Variants in PPARGC1A observed in about 807,000 individuals in gnomAD.
The protein encoded by PPARGC1A is peroxisome proliferator-activated receptor gamma coactivator 1-alpha.
In PPARGC1A, 25 loss-of-function variants were observed where a neutral mutation model predicts 88.7. The ratio of observed to expected loss-of-function variants is 0.28; its 90% CI spans 0.21 to 0.39. The LOEUF (loss-of-function observed/expected upper bound fraction) is 0.39. PPARGC1A is among the 10% of genes least tolerant of loss of function. PPARGC1A has a pLI of 1.00. For missense variants in PPARGC1A, 880 were observed against 968.7 expected (o/e 0.91, Z 1.22); for synonymous variants, 363 against 355.6 (o/e 1.02, Z -0.24).
chr4:23,803,819 G>A (rs1043834158), intron 10 of PPARGC1A, among the ~76,000 whole-genome samples: 2 of 152,194 alleles, frequency 1.3e-5, no homozygotes, highest in African/African-American at 2.4e-5. Context: ...TTCTTTGGAT[G>A]TACTGAGAGT....
At chr4:24,333,472 G>A in the PPARGC1A span, among the ~76,000 whole-genome samples, 13 of 152,060 alleles carry the variant, frequency 8.5e-5, no homozygotes, top group African/African-American at 1.9e-4. Context: ...TTCTTCACTC[G>A]TTTTTATTCT....
chr4:24,339,225 T>C, the PPARGC1A span, among the ~76,000 whole-genome samples: 15,795 of 79,674 alleles, frequency 0.2, 1,113 homozygotes, highest in Middle Eastern at 0.33. Flanking sequence ...TATATATATA[T>C]ATATATATAT....
chr4:24,245,234 C>T, the PPARGC1A span, among the ~76,000 whole-genome samples: 1 of 152,222 alleles, frequency 6.6e-6, no homozygotes, highest in Non-Finnish European at 1.5e-5. Flanking sequence ...TGATCAAATA[C>T]TGTGTACCCC....
Position 23,801,241 on chromosome 4 carries a change from C to T in PPARGC1A, c.2293+489G>A, listed in dbSNP as rs184122901. On this transcript the variant is annotated intron_variant, in intron 12 of 12. Transcript: ENST00000264867. ...AATCATAAACACATGTAGACACATA[C>T]AATACCTGCATACATACACACACAA... 2.0e-5 allele frequency among the ~76,000 whole-genome samples: 3 copies of T among 151,774 alleles called. No individual in the cohort carries two copies. The South Asian group carries it at 6.2e-4, about 32-fold the overall frequency.
At chr4:24,305,091 G>A in the PPARGC1A span, among the ~76,000 whole-genome samples, 1 of 149,792 alleles carries the variant, frequency 6.7e-6, no homozygotes, top group African/African-American at 2.5e-5. Context: ...AATGGTGGTT[G>A]TTTGGGGCAC....
At chr4:23,977,248 C>T in the PPARGC1A span, among the ~76,000 whole-genome samples, 5 of 152,168 alleles carry the variant, frequency 3.3e-5, no homozygotes, top group Admixed American at 2.0e-4. Flanking sequence ...CGCACACGCT[C>T]AGGATTAGTG....
At chr4:24,299,097 C>G in the PPARGC1A span, among the ~76,000 whole-genome samples, 2 of 152,038 alleles carry the variant, frequency 1.3e-5, no homozygotes, top group South Asian at 4.1e-4. Context: ...TATAGCAAAA[C>G]CAATGCACAA....
the PPARGC1A span, among the ~76,000 whole-genome samples, chr4:24,050,916 A>G: frequency 3.4e-4 from 52 of 152,282 alleles, no homozygotes; most frequent in Middle Eastern, 3.4e-3. Context: ...GGCCGGGCGC[A>G]GTGGCTCACG....
the PPARGC1A span, among the ~76,000 whole-genome samples, chr4:24,325,238 C>T: frequency 6.6e-6 from 1 of 152,162 alleles, no homozygotes; most frequent in Non-Finnish European, 1.5e-5. Context: ...TCTCAATATA[C>T]ATTTTATTAC....
chr4:24,396,089 T>C, the PPARGC1A span, among the ~76,000 whole-genome samples: 1 of 151,806 alleles, frequency 6.6e-6, no homozygotes, highest in East Asian at 1.9e-4. Flanking sequence ...TGATCCCACA[T>C]CTCCTGGGGC....
At chr4:24,147,142 C>A in the PPARGC1A span, among the ~76,000 whole-genome samples, 5 of 152,108 alleles carry the variant, frequency 3.3e-5, no homozygotes, top group Non-Finnish European at 7.4e-5. Flanking sequence ...TGTCGCTCCT[C>A]CTCACATTTA....
At chr4:23,892,437 C>T (rs902981726), upstream of PPARGC1A, among the ~76,000 whole-genome samples, 3 of 9,566 alleles carry the variant, frequency 3.1e-4, no homozygotes, top group South Asian at 7.1e-3. Flanking sequence ...GTGCTTTCCA[C>T]GATATTTTTT....
chr4:23,795,715 TA>T lies in PPARGC1A; in HGVS notation c.*106del. 1.3e-6 allele frequency: 1 copy of T among 785,946 alleles called. No individual in the cohort carries two copies. The highest frequency in any genetic ancestry group is 2.0e-6 in the Non-Finnish European group (1 of 492,208). 48.7% of individuals were successfully genotyped at this position (785,946 alleles called of 1,614,324 possible). A position where few individuals can be genotyped will look rare whatever the true frequency, so the allele number is the denominator to read the frequency against. On this transcript the variant is annotated 3_prime_UTR_variant, in exon 13 of 13. Transcript: ENST00000264867. ...TTGTTTTGTTTTTGTACAGAGAGTG[TA>T]AAGTAGGAGAAATTCCTAAGTATGA... is the stretch of plus-strand genomic sequence containing the variant.
intron 10 of PPARGC1A, among the ~76,000 whole-genome samples, chr4:23,811,913 TTTTTTTTTTTTTTTTTTTTTTTG>T (rs1163746028): frequency 9.1e-5 from 5 of 54,716 alleles, no homozygotes; most frequent in African/African-American, 3.0e-4. Context: ...TTTTTTTTTT[TTTTTTTTTTTTTTTTTTTTTTTG>T]AGACAGAGTC....
the PPARGC1A span, among the ~76,000 whole-genome samples, chr4:24,144,219 T>G: frequency 6.6e-6 from 1 of 152,206 alleles, no homozygotes; most frequent in African/African-American, 2.4e-5. Context: ...GCAAATAGAA[T>G]GGACAGATGG....
the PPARGC1A span, among the ~76,000 whole-genome samples, chr4:23,960,780 G>C: frequency 6.6e-6 from 1 of 151,940 alleles, no homozygotes; most frequent in African/African-American, 2.4e-5. Context: ...TGAGGCCTCG[G>C]GCTCCCCTTA....
At chr4:24,048,698 A>T in the PPARGC1A span, among the ~76,000 whole-genome samples, 1 of 152,110 alleles carries the variant, frequency 6.6e-6, no homozygotes, top group Non-Finnish European at 1.5e-5. Flanking sequence ...GAGCCTATGG[A>T]CTTTACGAAG....
chr4:24,174,317 G>A, the PPARGC1A span, among the ~76,000 whole-genome samples: 4 of 152,148 alleles, frequency 2.6e-5, no homozygotes, highest in African/African-American at 7.2e-5. Flanking sequence ...CACCTGAGAC[G>A]CTTATTAAAC....
chr4:24,119,225 G>GC, the PPARGC1A span, among the ~76,000 whole-genome samples: 3 of 152,090 alleles, frequency 2.0e-5, no homozygotes, highest in Admixed American at 6.6e-5. Context: ...CCGAAATGCT[G>GC]CCCCCACCTT....
Sources: allele counts gnomAD v4.1 joint callset (sites outside exome capture counted in the v4.1 genomes callset), GRCh38; gene constraint gnomAD v4.1.1; transcripts MANE v1.5; gene names NCBI Gene and HGNC (gene_info 2026-07-23, HGNC 2026-07-21).